BCAN: variants seen among roughly 807,000 people sequenced by gnomAD.
The protein encoded by BCAN is brevican core protein.
Under a neutral mutation model 92.4 loss-of-function variants are expected in BCAN, and 51 were observed. The observed-to-expected ratio is 0.55, with a 90% CI of 0.44 to 0.70. The LOEUF (loss-of-function observed/expected upper bound fraction) is 0.70, where lower values mean the gene tolerates loss of function less well. Among genes scored for constraint, BCAN ranks in the 30% least tolerant of loss-of-function variants. The pLI is 0.00. For synonymous variants in BCAN, 501 were observed against 505.2 expected (o/e 0.99, Z 0.11); for missense variants, 1,140 against 1,212.1 (o/e 0.94, Z 0.88).
rs1265271508 is a variant in BCAN at position 156,642,188 on chromosome 1, CT to C, written c.-95del. 2.6e-5 allele frequency: 4 copies of C among 152,362 alleles called. No individual in the cohort carries two copies. The highest frequency in any genetic ancestry group is 6.5e-5 in the Admixed American group (1 of 15,290). 9.4% of individuals were successfully genotyped at this position (152,362 alleles called of 1,614,324 possible). A position where few individuals can be genotyped will look rare whatever the true frequency, so the allele number is the denominator to read the frequency against. ...GTCTCCGCCGCAGTCTCAGCTGCAG[CT>C]GCAGGACTGAGCCGTGCACCCGGAG... On this transcript the variant is annotated 5_prime_UTR_variant, in exon 1 of 14. It removes the in-frame stop codon of an upstream open reading frame in the 5' UTR. Transcript: ENST00000329117. The surrounding 1 kb of genome is among the most constrained non-coding windows in gnomAD (Gnocchi z 4.2).
chr1:156,652,399 C>T lies in BCAN; in HGVS notation c.1449C>T (p.Pro483=). The stretch of plus-strand genomic sequence containing the variant: ...AGGATGAGGCTCTGTGGGCATGGCC[C>T]AGCGAGCTCAGCAGCCCGGGCCCTG... The part of the protein sequence containing the change: ...EVEDEALWAW[P]SELSSPGPEA... The change falls in exon 8 of 14, where the codon CCC becomes CCT. Residue 483 remains proline (P), a synonymous_variant. Coordinates refer to ENST00000329117, the MANE Select transcript of BCAN (RefSeq NM_021948.5). 6.2e-7 allele frequency: 1 copy of T among 1,608,164 alleles called. No individual in the cohort carries two copies.
chr1:156,656,924 C>G lies in BCAN; in HGVS notation c.2051-14C>G, dbSNP rs1340664805. 1 of 1,611,624 alleles carries G rather than the reference C, an allele frequency of 6.2e-7. No homozygotes were observed. The highest frequency in any genetic ancestry group is 8.5e-7 in the Non-Finnish European group (1 of 1,178,258). On this transcript the variant is annotated splice_polypyrimidine_tract_variant and intron_variant, in intron 9 of 13. Transcript: ENST00000329117. ...GTTTTGGGGCCCTAAGATGCCCGCC[C>G]TTATGTGCCGCAGGCCTCCGCTTCT...
intron 1 of BCAN, 44 bp from the exon 2 acceptor site, chr1:156,646,003 C>G: frequency 6.5e-7 from 1 of 1,547,052 alleles, no homozygotes; most frequent in East Asian, 2.3e-5. Flanking sequence ...GGAAGTCCAT[C>G]CTGAAGTCTA....
rs1679408800 is a variant in BCAN, at chr1:156,658,310, A to T, written c.2437+39A>T. The T allele has an allele frequency of 6.2e-7, 1 of 1,605,718 alleles. No homozygotes were observed. Among genetic ancestry groups the T allele is most frequent in the Non-Finnish European group, 8.5e-7 (1 of 1,174,864 alleles). On this transcript the variant is annotated intron_variant, in intron 12 of 13. Coordinates refer to ENST00000329117, the MANE Select transcript of BCAN (RefSeq NM_021948.5). The surrounding 1 kb of genome is among the most constrained non-coding windows in gnomAD (Gnocchi z 4.4). ...AAGGAGGGTCCCAGCAAGGAAGTGG[A>T]GGGGTGGGCTAGGGGACCAGAGGGA...
At chr1:156,657,252 C>G (rs1280580404) in intron 10 of BCAN, 156 bp downstream of exon 10, 4 of 1,020,220 alleles carry the variant, frequency 3.9e-6, no homozygotes, top group Non-Finnish European at 5.6e-6. Context: ...CTCATTCTCT[C>G]TCCCTTCCCA....
intron 10 of BCAN, 122 bp downstream of exon 10, chr1:156,657,218 C>A: frequency 8.0e-7 from 1 of 1,252,918 alleles, no homozygotes; most frequent in Non-Finnish European, 1.1e-6. Context: ...CGTGCATTCC[C>A]TCACTCATTC....
chr1:156,648,766 G>A lies in BCAN; in HGVS notation c.968G>A (p.Gly323Asp). Residue 323 changes from glycine to aspartate, a missense_variant, in exon 6 of 14, where the codon GGT becomes GAT. Around this residue, in one of 3 missense-constraint regions of BCAN, gnomAD observed 825 missense variants for 871.8 expected, o/e 0.95. Transcript: ENST00000329117. ...YPIVTPSQRC[G>D]GGLPGVKTLF... ...ATCGTCACACCCAGCCAGCGCTGTG[G>A]TGGGGGCTTGCCTGGTGTCAAGACT... The A allele has an allele frequency of 6.2e-7, 1 of 1,610,790 alleles. No homozygotes were observed. The highest frequency in any genetic ancestry group is 8.5e-7 in the Non-Finnish European group (1 of 1,177,282).
rs558655305 is a variant in BCAN at position 156,648,066 on chromosome 1, C to T, written c.725C>T (p.Pro242Leu). Residue 242 changes from proline (P) to leucine (L), a missense_variant, in exon 5 of 14, where the codon CCG becomes CTG. Transcript: ENST00000329117. ...PGVRNYGVVD[P>L]DDLYDVYCYA... ...GTCCGGAACTATGGTGTGGTGGACC[C>T]GGATGACCTCTATGATGTGTACTGT... 9 of 1,613,932 alleles carry T rather than the reference C, an allele frequency of 5.6e-6. No homozygotes were observed. Among genetic ancestry groups the T allele is most frequent in the South Asian group, 2.2e-5 (2 of 91,072 alleles).
At chr1:156,643,312 A>G (rs1315996849) in intron 1 of BCAN, 1 of 152,222 alleles carries the variant, frequency 6.6e-6, no homozygotes, top group Non-Finnish European at 1.5e-5. Flanking sequence ...TGCTAATAGT[A>G]TTATTAGTTT....
In BCAN at chr1:156,650,709, G is replaced by A. The variant is rs562380353; in HGVS notation, c.1064-747G>A. Among the ~76,000 whole-genome samples, 6 of 152,268 alleles carry A rather than the reference G, an allele frequency of 3.9e-5. No homozygotes were observed. The South Asian group carries it at 1.0e-3, about 26-fold the overall frequency. On this transcript the variant is annotated intron_variant, in intron 6 of 13. Transcript: ENST00000329117. The stretch of plus-strand genomic sequence containing the variant: ...CTCATGCCTGTAATCCCAGCACTTT[G>A]GGAGGCCAAGACCACTTGAGGCCAG...
Position 156,659,197 on chromosome 1 carries a change from C to A in BCAN, c.*63C>A. On this transcript the variant is annotated 3_prime_UTR_variant, in exon 14 of 14. Coordinates refer to ENST00000329117, the MANE Select transcript of BCAN (RefSeq NM_021948.5). ...CCTGTCACCCAAATTTTCCCTCACA[C>A]CCTGCGCTCCCGCCACCACAGGAAG... 1.6e-6 allele frequency: 2 copies of A among 1,268,434 alleles called. No individual in the cohort carries two copies. The highest frequency in any genetic ancestry group is 2.2e-6 in the Non-Finnish European group (2 of 926,324). The allele number at this position is 1,268,434 out of a possible 1,614,324, so 78.6% of individuals were successfully genotyped here. A position where few individuals can be genotyped will look rare whatever the true frequency, so the allele number is the denominator to read the frequency against.
chr1:156,659,118 C>G lies in BCAN; in HGVS notation c.2720C>G (p.Pro907Arg). The G allele has an allele frequency of 6.3e-7, 1 of 1,579,944 alleles. No individual in the cohort carries two copies. The highest frequency in any genetic ancestry group is 2.3e-5 in the East Asian group (1 of 43,770). The change falls in exon 14 of 14, where the codon CCC (proline) becomes CGC (arginine). Residue 907 changes from proline to arginine, a missense_variant. Pro to Arg is a moderately radical substitution (Grantham distance 103, BLOSUM62 -2). This residue lies in a region of BCAN where 825 missense variants were observed against 871.8 expected (regional missense o/e 0.95). Transcript: ENST00000329117. ...WKALLIPPSS[P>R]MPGP is the part of the protein sequence containing the mutation. Reference sequence around the variant, plus strand: ...GCGCTGTTGATCCCCCCTTCCAGCCCCATGCCAGGTCCCTAGGGGGCAAGG... The same window carrying G: ...GCGCTGTTGATCCCCCCTTCCAGCCGCATGCCAGGTCCCTAGGGGGCAAGG...
At chr1:156,656,868 C>T (rs1319631903) in intron 9 of BCAN, 70 bp from the exon 10 acceptor site, 1 of 1,568,822 alleles carries the variant, frequency 6.4e-7, no homozygotes, top group Non-Finnish European at 8.7e-7. Flanking sequence ...TGGAAGGAGA[C>T]CAGCCCCTTC....
At chr1:156,654,476 CT>C (rs1217294588) in intron 8 of BCAN, among the ~76,000 whole-genome samples, 1 of 152,144 alleles carries the variant, frequency 6.6e-6, no homozygotes, top group Non-Finnish European at 1.5e-5. Context: ...TCCTTGGCTG[CT>C]GTTTCAATGG....
In BCAN at chr1:156,658,713, TC is replaced by T; in HGVS notation, c.2610del (p.Cys871ValfsTer31). On this transcript the variant is annotated frameshift_variant, in exon 13 of 14. Transcript: ENST00000329117. LOFTEE classifies it low-confidence loss of function (END_TRUNC). The surrounding 1 kb of genome is among the most constrained non-coding windows in gnomAD (Gnocchi z 4.4). ...ENGRWEAPQI[S>X]CVPRRPARAL... Reference sequence around the variant, plus strand: ...CGGTCGTTGGGAGGCCCCCCAGATCTCCTGTGTGCCCAGAAGACCTGTGAGT... The same window carrying T: ...CGGTCGTTGGGAGGCCCCCCAGATCTCTGTGTGCCCAGAAGACCTGTGAGT... The T allele has an allele frequency of 6.2e-7, 1 of 1,613,986 alleles. No homozygotes were observed. Among genetic ancestry groups the T allele is most frequent in the Non-Finnish European group, 8.5e-7 (1 of 1,180,018 alleles).
chr1:156,657,541 T>G (rs1571453008), intron 10 of BCAN, 134 bp from the exon 11 acceptor site: 1 of 661,528 alleles, frequency 1.5e-6, no homozygotes. Context: ...GAGGCTGGGG[T>G]AGAAGAACCC....
chr1:156,652,351 GGAA>G lies in BCAN; in HGVS notation c.1410_1412del (p.Glu473del), dbSNP rs763766842. On this transcript the variant is annotated inframe_deletion, in exon 8 of 14. Transcript: ENST00000329117. ...ATGAAGATGAAGAAGAGAAAGAGGA[GGAA>G]GAAGAAGAGGAGGAGGTGGAGGATG... 31 of 1,613,898 alleles carry G rather than the reference GGAA, an allele frequency of 1.9e-5. 2 individuals are homozygous for G. In the Middle Eastern group the frequency reaches 3.6e-3, roughly 189 times the overall value.
intron 8 of BCAN, among the ~76,000 whole-genome samples, chr1:156,653,815 G>A (rs1339807987): frequency 6.6e-6 from 1 of 152,092 alleles, no homozygotes; most frequent in Non-Finnish European, 1.5e-5. Flanking sequence ...CTCCTGATGA[G>A]GAGAAACCCC....
rs1475685528 is a variant in BCAN, at chr1:156,647,704, G to C, written c.641+22G>C. 1.3e-6 allele frequency: 2 copies of C among 1,567,052 alleles called. No homozygotes were observed. The highest frequency in any genetic ancestry group is 4.5e-5 in the East Asian group (2 of 44,304). ...TGAGGTGGGCAGGGGCTGTGGATTGGGGCTTCTATTGGCCCCTGAGGTGGC... is the reference window on the plus strand; with the variant it reads ...TGAGGTGGGCAGGGGCTGTGGATTGCGGCTTCTATTGGCCCCTGAGGTGGC... On this transcript the variant is annotated intron_variant, in intron 4 of 13. Transcript: ENST00000329117. The surrounding 1 kb of genome is among the most constrained non-coding windows in gnomAD (Gnocchi z 4.8).
Sources: allele counts gnomAD v4.1 joint callset (sites outside exome capture counted in the v4.1 genomes callset), GRCh38; gene constraint gnomAD v4.1.1; regional missense constraint gnomAD v4.1.1; non-coding constraint Gnocchi (gnomAD v3.1); transcripts MANE v1.5; gene names NCBI Gene and HGNC (gene_info 2026-07-23, HGNC 2026-07-21).